GPR158: variants seen among roughly 807,000 people sequenced by gnomAD.
GPR158 encodes G protein-coupled receptor 158, also known as metabotropic glycine receptor.
A neutral mutation model predicts 78.2 loss-of-function variants in GPR158; 30 were observed. That is an observed-to-expected ratio of 0.38 (90% CI 0.29 to 0.52). GPR158 has a LOEUF of 0.52. Ranked by LOEUF, GPR158 falls within the 20% of genes least tolerant of loss-of-function variation. GPR158 has a pLI of 0.83. For synonymous variants in GPR158, 581 were observed against 591.1 expected (o/e 0.98, Z 0.25); for missense variants, 1,463 against 1,523.5 (o/e 0.96, Z 0.66).
chr10:25,549,442 A>G (rs1588907939), intron 5 of GPR158, among the ~76,000 whole-genome samples: 1 of 151,600 alleles, frequency 6.6e-6, no homozygotes, highest in Non-Finnish European at 1.5e-5. Context: ...TTTTGTGAAA[A>G]CAGTAAAAAC....
rs939964610 is a variant in GPR158, at chr10:25,256,497, A to AT, written c.1008+35350dup. 3.1e-4 allele frequency among the ~76,000 whole-genome samples: 46 copies of AT among 149,594 alleles called. 1 individual carries two copies. Among genetic ancestry groups the AT allele is most frequent in the South Asian group, 4.2e-4 (2 of 4,714 alleles). On this transcript the variant is annotated intron_variant, in intron 2 of 10. Transcript: ENST00000376351. Reference sequence around the variant, plus strand: ...TAAGGCCCTGTCTCTACAATCTACAATTTTTTTTTTAATTAGCTGAGTATG... The same window carrying AT: ...TAAGGCCCTGTCTCTACAATCTACAATTTTTTTTTTTAATTAGCTGAGTATG...
intron 1 of GPR158, among the ~76,000 whole-genome samples, chr10:25,198,062 A>G (rs1425248959): frequency 6.6e-6 from 1 of 152,212 alleles, no homozygotes; most frequent in Non-Finnish European, 1.5e-5. Context: ...TTTCAGGGGA[A>G]CAGTCACCTA....
chr10:25,369,454 A>G (rs1359575537), intron 2 of GPR158, among the ~76,000 whole-genome samples: 6 of 147,698 alleles, frequency 4.1e-5, no homozygotes, highest in Non-Finnish European at 9.0e-5. Flanking sequence ...GGCTCTGTTT[A>G]TATGCTGGAT....
chr10:25,263,555 A>G (rs1258005252), intron 2 of GPR158, among the ~76,000 whole-genome samples: 1 of 152,118 alleles, frequency 6.6e-6, no homozygotes, highest in Non-Finnish European at 1.5e-5. Context: ...TTTCGTGCTT[A>G]AAGATGCTGC....
At chr10:25,520,576 T>C (rs1836247692) in intron 5 of GPR158, among the ~76,000 whole-genome samples, 1 of 150,384 alleles carries the variant, frequency 6.6e-6, no homozygotes, top group Non-Finnish European at 1.5e-5. Flanking sequence ...TTCTGTTTGT[T>C]AGTTTTCCTT....
rs538709449 is a variant in GPR158 at position 25,256,570 on chromosome 10, G to A, written c.1008+35413G>A. Among the ~76,000 whole-genome samples, 41 of 149,456 alleles carry A rather than the reference G, an allele frequency of 2.7e-4. No individual in the cohort carries two copies. In the South Asian group the frequency reaches 8.8e-3, roughly 32 times the overall value. ...TCCTGTGGTCCTAGGAACTCAGGAG[G>A]CTGAGGCAGGAGGCTGAGGCGGTAG... On this transcript the variant is annotated intron_variant, in intron 2 of 10. Transcript: ENST00000376351.
intron 1 of GPR158, among the ~76,000 whole-genome samples, chr10:25,211,485 A>G (rs957226882): frequency 1.2e-4 from 19 of 152,182 alleles, no homozygotes; most frequent in Non-Finnish European, 1.3e-4. Context: ...GGGGGAGCGC[A>G]TGCACAAGAG....
chr10:25,187,661 C>A (rs1267595004), intron 1 of GPR158, among the ~76,000 whole-genome samples: 11 of 152,098 alleles, frequency 7.2e-5, no homozygotes, highest in Non-Finnish European at 1.5e-4. Context: ...TTATGACAAA[C>A]CCACAGCCAA....
chr10:25,417,864 G>A (rs1269858222), intron 4 of GPR158, among the ~76,000 whole-genome samples: 1 of 152,152 alleles, frequency 6.6e-6, no homozygotes, highest in African/African-American at 2.4e-5. Context: ...CTCTTTTGCT[G>A]ACATGTGAAC....
intron 1 of GPR158, among the ~76,000 whole-genome samples, chr10:25,194,428 G>A (rs1400500709): frequency 6.6e-6 from 1 of 152,094 alleles, no homozygotes; most frequent in South Asian, 2.1e-4. Context: ...AGTCCTAGCT[G>A]CTCAGGAGGC....
At chr10:25,549,180 T>C (rs1836699511) in intron 5 of GPR158, among the ~76,000 whole-genome samples, 1 of 151,690 alleles carries the variant, frequency 6.6e-6, no homozygotes, top group Non-Finnish European at 1.5e-5. Context: ...GTATGTGTAG[T>C]CTCTCATCTA....
rs949673898 is a variant in GPR158, at chr10:25,390,249, A to C, written c.1009-5662A>C. ...GGGTACTGCTATTAAGATACCCTAA[A>C]ATGTGTAATTTACTTTAGAACTGGG... On this transcript the variant is annotated intron_variant, in intron 2 of 10. Coordinates refer to ENST00000376351, the MANE Select transcript of GPR158 (RefSeq NM_020752.3). Among the ~76,000 whole-genome samples the C allele has an allele frequency of 2.6e-5, 4 of 152,294 alleles. No homozygotes were observed. The South Asian group carries it at 8.3e-4, about 32-fold the overall frequency.
intron 7 of GPR158, among the ~76,000 whole-genome samples, chr10:25,587,161 T>C (rs184461314): frequency 2.0e-5 from 3 of 152,340 alleles, no homozygotes; most frequent in Non-Finnish European, 2.9e-5. Flanking sequence ...TGGTGTCTCA[T>C]TGTCCAGATG....
At chr10:25,420,392 A>G (rs552022681) in intron 4 of GPR158, among the ~76,000 whole-genome samples, 2 of 152,206 alleles carry the variant, frequency 1.3e-5, no homozygotes, top group South Asian at 2.1e-4. Context: ...TCCTCAAGCA[A>G]TCCTCCTGCC....
chr10:25,548,188 A>T (rs1322529947), intron 5 of GPR158, among the ~76,000 whole-genome samples: 2 of 152,196 alleles, frequency 1.3e-5, no homozygotes, highest in Admixed American at 1.3e-4. Context: ...TTTAGTTTGT[A>T]AGCACACAGA....
At chr10:25,442,429 C>A (rs887681327) in intron 4 of GPR158, among the ~76,000 whole-genome samples, 10 of 152,118 alleles carry the variant, frequency 6.6e-5, no homozygotes, top group Non-Finnish European at 1.0e-4. Context: ...ATAACAGGAG[C>A]AGCTGCAGTT....
intron 7 of GPR158, among the ~76,000 whole-genome samples, chr10:25,584,274 A>C (rs1004849194): frequency 6.6e-6 from 1 of 152,238 alleles, no homozygotes; most frequent in South Asian, 2.1e-4. Flanking sequence ...TAACATCTGC[A>C]TATTTTCTTT....
At chr10:25,314,905 TACACAC>T (rs34451547) in intron 2 of GPR158, among the ~76,000 whole-genome samples, 7,746 of 136,736 alleles carry the variant, frequency 0.057, 311 homozygotes, top group African/African-American at 0.11. Context: ...AGTTTACACA[TACACAC>T]ACACACACAC....
At chr10:25,294,469 G>A (rs1854483395) in intron 2 of GPR158, among the ~76,000 whole-genome samples, 1 of 152,116 alleles carries the variant, frequency 6.6e-6, no homozygotes, top group South Asian at 2.1e-4. Context: ...TTTCTGAGTC[G>A]TGCTTGTGAC....
Sources: allele counts gnomAD v4.1 joint callset (sites outside exome capture counted in the v4.1 genomes callset), GRCh38; gene constraint gnomAD v4.1.1; transcripts MANE v1.5; gene names NCBI Gene and HGNC (gene_info 2026-07-23, HGNC 2026-07-21).